DLGAP4: variants seen among roughly 807,000 people sequenced by gnomAD.
DLGAP4 encodes the protein DLG associated protein 4.
A neutral mutation model predicts 86.9 loss-of-function variants in DLGAP4; 18 were observed. The observed-to-expected ratio is 0.21, with a 90% CI of 0.14 to 0.31. The LOEUF (loss-of-function observed/expected upper bound fraction) is 0.31, where lower values mean the gene tolerates loss of function less well. Ranked by LOEUF, DLGAP4 falls within the 10% of genes least tolerant of loss-of-function variation. The pLI, the probability that DLGAP4 is intolerant of heterozygous loss-of-function variation, is 1.00. For synonymous variants in DLGAP4, 548 were observed against 574.3 expected (o/e 0.95, Z 0.65); for missense variants, 1,085 against 1,362.6 (o/e 0.80, Z 3.21).
intron 7 of DLGAP4, among the ~76,000 whole-genome samples, chr20:36,465,653 C>G (rs1030162727): frequency 6.6e-6 from 1 of 152,176 alleles, no homozygotes; most frequent in Non-Finnish European, 1.5e-5. Flanking sequence ...GTCACCACCT[C>G]CCGTGGCTTT....
chr20:36,428,265 A>T (rs1472497899), intron 2 of DLGAP4, among the ~76,000 whole-genome samples: 2 of 152,204 alleles, frequency 1.3e-5, no homozygotes, highest in Non-Finnish European at 2.9e-5. Context: ...TAAACTTTTT[A>T]AAAAATTAAA....
At chr20:36,351,895 T>C (rs2030166436) in intron 1 of DLGAP4, among the ~76,000 whole-genome samples, 1 of 152,066 alleles carries the variant, frequency 6.6e-6, no homozygotes, top group African/African-American at 2.4e-5. Flanking sequence ...AAATGGGGGC[T>C]CCTCCAAACC....
intron 1 of DLGAP4, among the ~76,000 whole-genome samples, chr20:36,319,810 C>T (rs2094862366): frequency 1.3e-5 from 2 of 152,108 alleles, no homozygotes; most frequent in Non-Finnish European, 2.9e-5. Context: ...GCCTGGGAGG[C>T]AGGTGCTTGG....
At chr20:36,499,890 G>A (rs568489688) in intron 9 of DLGAP4, among the ~76,000 whole-genome samples, 1 of 152,332 alleles carries the variant, frequency 6.6e-6, no homozygotes, top group East Asian at 1.9e-4. Flanking sequence ...CACCCACGGG[G>A]GCCATGGCTG....
intron 7 of DLGAP4, among the ~76,000 whole-genome samples, chr20:36,467,989 A>G (rs1600585543): frequency 6.6e-6 from 1 of 152,130 alleles, no homozygotes; most frequent in Non-Finnish European, 1.5e-5. Context: ...TGGAAAGGGA[A>G]CTCCTGCTTT....
intron 1 of DLGAP4, among the ~76,000 whole-genome samples, chr20:36,345,091 C>A (rs1249522532): frequency 1.3e-5 from 2 of 152,182 alleles, no homozygotes; most frequent in African/African-American, 4.8e-5. Flanking sequence ...TTCCCTCCAG[C>A]CCATTATACA....
At chr20:36,396,417 ACACACAC>A (rs2031973951) in intron 2 of DLGAP4, among the ~76,000 whole-genome samples, 6 of 45,340 alleles carry the variant, frequency 1.3e-4, no homozygotes, top group Non-Finnish European at 2.4e-4. Flanking sequence ...ACATACACAC[ACACACAC>A]CACATACACA....
At chr20:36,317,257 T>C (rs1331434758) in intron 1 of DLGAP4, among the ~76,000 whole-genome samples, 1 of 60,482 alleles carries the variant, frequency 1.7e-5, no homozygotes, top group African/African-American at 9.6e-5. Flanking sequence ...CTTTCTTTCT[T>C]TCTTTCTTTC....
intron 2 of DLGAP4, among the ~76,000 whole-genome samples, chr20:36,383,793 G>A (rs1241140145): frequency 6.6e-6 from 1 of 151,996 alleles, no homozygotes; most frequent in Non-Finnish European, 1.5e-5. Context: ...GGCTAACACG[G>A]TGAAACGCCG....
intron 10 of DLGAP4, among the ~76,000 whole-genome samples, chr20:36,501,285 C>T (rs1188524407): frequency 2.6e-5 from 4 of 151,984 alleles, no homozygotes; most frequent in Non-Finnish European, 5.9e-5. Flanking sequence ...AGGCTGGTCT[C>T]GAACTCCTGA....
chr20:36,524,373 G>T (rs2037570467), intron 11 of DLGAP4, 32 bp downstream of exon 11: 1 of 1,588,274 alleles, frequency 6.3e-7, no homozygotes, highest in African/African-American at 1.3e-5. Flanking sequence ...CCACAGCAGG[G>T]CTTCCAGCCT....
chr20:36,335,907 G>A (rs2065316974), intron 1 of DLGAP4, among the ~76,000 whole-genome samples: 2 of 152,106 alleles, frequency 1.3e-5, no homozygotes, highest in Admixed American at 6.5e-5. Context: ...TGACTCCCAG[G>A]GGTTGCAAAC....
At chr20:36,359,701 T>C (rs931169658) in intron 1 of DLGAP4, among the ~76,000 whole-genome samples, 1 of 152,194 alleles carries the variant, frequency 6.6e-6, no homozygotes, top group Non-Finnish European at 1.5e-5. Context: ...TGCAAGGACC[T>C]GCTATGAGGC....
chr20:36,442,446 G>A (rs902690892), intron 5 of DLGAP4, among the ~76,000 whole-genome samples: 1 of 152,136 alleles, frequency 6.6e-6, no homozygotes, highest in Non-Finnish European at 1.5e-5. Flanking sequence ...CACCCGCCTC[G>A]ACCTCCCAGA....
intron 1 of DLGAP4, among the ~76,000 whole-genome samples, chr20:36,347,455 A>G (rs1364184979): frequency 6.6e-6 from 1 of 151,220 alleles, no homozygotes; most frequent in African/African-American, 2.4e-5. Context: ...CCATTCATTC[A>G]ACTAGTATTT....
At chr20:36,454,400 A>C (rs1471898238) in intron 7 of DLGAP4, among the ~76,000 whole-genome samples, 2 of 152,092 alleles carry the variant, frequency 1.3e-5, no homozygotes, top group Non-Finnish European at 2.9e-5. Context: ...TAATTATATA[A>C]TTAAATTATG....
chr20:36,462,389 C>A, intron 7 of DLGAP4: 1 of 1,360,104 alleles, frequency 7.4e-7, no homozygotes, highest in Admixed American at 4.2e-5. Flanking sequence ...GTGGTCTCGC[C>A]ACTCTGTGCC....
chr20:36,447,714 C>T (rs1600542600), intron 7 of DLGAP4, among the ~76,000 whole-genome samples: 1 of 152,218 alleles, frequency 6.6e-6, no homozygotes, highest in South Asian at 2.1e-4. Context: ...AGCTACCATG[C>T]CCAGCCCTGG....
At chr20:36,362,247 G>A (rs569247062) in intron 1 of DLGAP4, among the ~76,000 whole-genome samples, 3 of 152,288 alleles carry the variant, frequency 2.0e-5, no homozygotes, top group African/African-American at 4.8e-5. Context: ...GCAACAGAGT[G>A]AGACTCTGTC....
Sources: allele counts gnomAD v4.1 joint callset (sites outside exome capture counted in the v4.1 genomes callset), GRCh38; gene constraint gnomAD v4.1.1; transcripts MANE v1.5; gene names NCBI Gene and HGNC (gene_info 2026-07-23, HGNC 2026-07-21).